Variants in RAB3C observed in about 807,000 individuals in gnomAD.
The protein encoded by RAB3C is ras-related protein Rab-3C.
A neutral mutation model predicts 26.4 loss-of-function variants in RAB3C; 17 were observed. The ratio of observed to expected loss-of-function variants is 0.64; its 90% CI spans 0.44 to 0.97. The LOEUF (loss-of-function observed/expected upper bound fraction) is 0.97. Ranked by LOEUF, RAB3C falls within the 50% of genes least tolerant of loss-of-function variation. The pLI is 0.00. For synonymous variants in RAB3C, 91 were observed against 95.9 expected (o/e 0.95, Z 0.30); for missense variants, 242 against 281.9 (o/e 0.86, Z 1.01).
intron 2 of RAB3C, among the ~76,000 whole-genome samples, chr5:58,703,830 G>A (rs1286827482): frequency 2.0e-5 from 3 of 152,114 alleles, no homozygotes; most frequent in Non-Finnish European, 2.9e-5. Context: ...AAAAATCAAT[G>A]TTCTAAACAG....
At chr5:58,846,137 T>C (rs1280533778) in intron 4 of RAB3C, among the ~76,000 whole-genome samples, 1 of 152,220 alleles carries the variant, frequency 6.6e-6, no homozygotes, top group Non-Finnish European at 1.5e-5. Context: ...TAAAATTGAA[T>C]AATATTCCAT....
chr5:58,755,988 T>G (rs1305091495), intron 3 of RAB3C, among the ~76,000 whole-genome samples: 1 of 152,130 alleles, frequency 6.6e-6, no homozygotes, highest in African/African-American at 2.4e-5. Flanking sequence ...CATATTGACA[T>G]TTGCACACTT....
chr5:58,799,931 C>T (rs1742767025), intron 3 of RAB3C, among the ~76,000 whole-genome samples: 1 of 152,300 alleles, frequency 6.6e-6, no homozygotes, highest in African/African-American at 2.4e-5. Context: ...AAGGGCATTT[C>T]TTCAAATCAG....
chr5:58,764,926 G>A (rs1410115409), intron 3 of RAB3C, among the ~76,000 whole-genome samples: 1 of 152,112 alleles, frequency 6.6e-6, no homozygotes, highest in Non-Finnish European at 1.5e-5. Flanking sequence ...AAACATTAAG[G>A]AGAATACTGG....
intron 2 of RAB3C, among the ~76,000 whole-genome samples, chr5:58,657,336 T>C (rs1441045490): frequency 2.0e-5 from 3 of 151,536 alleles, no homozygotes; most frequent in Non-Finnish European, 4.4e-5. Context: ...AAATCACCAC[T>C]AAAGAACTTA....
intron 2 of RAB3C, among the ~76,000 whole-genome samples, chr5:58,709,482 G>A (rs186806741): frequency 1.3e-4 from 20 of 152,264 alleles, no homozygotes; most frequent in East Asian, 5.8e-4. Context: ...TGATCAGGCC[G>A]CAGTTCTCCC....
intron 2 of RAB3C, among the ~76,000 whole-genome samples, chr5:58,693,660 G>A (rs1039090232): frequency 2.0e-5 from 3 of 152,010 alleles, no homozygotes; most frequent in African/African-American, 7.2e-5. Context: ...AACATAAATC[G>A]CCCCACACAT....
intron 4 of RAB3C, among the ~76,000 whole-genome samples, chr5:58,850,404 T>C (rs1312187204): frequency 6.6e-6 from 1 of 152,214 alleles, no homozygotes; most frequent in Non-Finnish European, 1.5e-5. Flanking sequence ...TACAAAGCCC[T>C]GGAGGGCTGT....
chr5:58,739,553 A>G (rs188158693), intron 3 of RAB3C, among the ~76,000 whole-genome samples: 4 of 152,344 alleles, frequency 2.6e-5, no homozygotes, highest in Admixed American at 1.3e-4. Flanking sequence ...ACTATTAAAA[A>G]AAAATTAGAA....
chr5:58,782,968 T>C (rs1742303576), intron 3 of RAB3C, among the ~76,000 whole-genome samples: 2 of 152,146 alleles, frequency 1.3e-5, no homozygotes, highest in African/African-American at 4.8e-5. Context: ...TATTCTTTCC[T>C]GGTAGGAGAC....
intron 2 of RAB3C, among the ~76,000 whole-genome samples, chr5:58,714,282 C>T (rs969293513): frequency 1.3e-5 from 2 of 152,062 alleles, no homozygotes; most frequent in Non-Finnish European, 2.9e-5. Flanking sequence ...TTACAGCAGA[C>T]TTTTCAATGG....
At chr5:58,598,579 G>A (rs1746377402) in intron 1 of RAB3C, among the ~76,000 whole-genome samples, 1 of 152,076 alleles carries the variant, frequency 6.6e-6, no homozygotes, top group Non-Finnish European at 1.5e-5. Flanking sequence ...TCAGTGTCAG[G>A]CAGTGTTCTA....
chr5:58,607,018 C>T lies in RAB3C; in HGVS notation c.25-10625C>T, dbSNP rs59283042. Among the ~76,000 whole-genome samples, 38 of 152,284 alleles carry T rather than the reference C, an allele frequency of 2.5e-4. No homozygotes were observed. The East Asian group carries it at 3.7e-3, about 15-fold the overall frequency. ...GCGCGCCTCTTCTCCTCCAAAAGAT[C>T]GCAGCTCCTTGCCAGCAACAGAACA... is the stretch of plus-strand genomic sequence containing the variant. On this transcript the variant is annotated intron_variant, in intron 1 of 4. Transcript: ENST00000282878.
At chr5:58,845,434 T>C (rs1300589800) in intron 4 of RAB3C, among the ~76,000 whole-genome samples, 2 of 151,642 alleles carry the variant, frequency 1.3e-5, no homozygotes, top group Admixed American at 6.6e-5. Context: ...AGGATTAGAT[T>C]TAAACACCTG....
chr5:58,836,319 G>C lies in RAB3C; in HGVS notation c.496+11157G>C, dbSNP rs544334301. ...TTCATAGAATACATAGTGAATTTTT[G>C]ATACATATAATGTATTGTGGTCAGA... On this transcript the variant is annotated intron_variant, in intron 4 of 4. Transcript: ENST00000282878. 2.6e-5 allele frequency among the ~76,000 whole-genome samples: 4 copies of C among 151,962 alleles called. No homozygotes were observed. The South Asian group carries it at 8.3e-4, about 32-fold the overall frequency.
At chr5:58,736,945 G>C (rs1741149600) in intron 3 of RAB3C, among the ~76,000 whole-genome samples, 1 of 152,108 alleles carries the variant, frequency 6.6e-6, no homozygotes, top group Admixed American at 6.5e-5. Context: ...GCTGGAGTGA[G>C]CTTTTAAAAC....
At chr5:58,643,524 C>G (rs979695987) in intron 2 of RAB3C, among the ~76,000 whole-genome samples, 1 of 151,998 alleles carries the variant, frequency 6.6e-6, no homozygotes, top group Non-Finnish European at 1.5e-5. Context: ...AAGTTGGAAT[C>G]CATTAGCTGG....
At chr5:58,797,396 T>TATAC (rs1561133620) in intron 3 of RAB3C, among the ~76,000 whole-genome samples, 14 of 116,808 alleles carry the variant, frequency 1.2e-4, no homozygotes, top group African/African-American at 5.0e-4. Context: ...TATATATATA[T>TATAC]ACACAGAGAG....
Position 58,845,612 on chromosome 5 carries a change from A to ATATATATATATATATGTGTGTGTGTGTG in RAB3C, c.497-5551_497-5550insATATATATATATATGTGTGTGTGTGTGT. Among the ~76,000 whole-genome samples the ATATATATATATATATGTGTGTGTGTGTG allele has an allele frequency of 5.0e-3, 405 of 81,112 alleles. 5 individuals are homozygous for ATATATATATATATATGTGTGTGTGTGTG. The highest frequency in any genetic ancestry group is 5.7e-3 in the Non-Finnish European group (233 of 40,910). The allele number at this position is 81,112 out of a possible 152,430, so 53.2% of individuals were successfully genotyped here. Reference sequence around the variant, plus strand: ...ATTCTTACTATATATATATATATATATGTGTGTGTGTGTGTGTGTATATGT... The same window carrying ATATATATATATATATGTGTGTGTGTGTG: ...ATTCTTACTATATATATATATATATATATATATATATATATGTGTGTGTGTGTGTGTGTGTGTGTGTGTGTGTATATGT... On this transcript the variant is annotated intron_variant, in intron 4 of 4. Coordinates refer to ENST00000282878, the MANE Select transcript of RAB3C (RefSeq NM_138453.4).
Sources: gnomAD v4.1 joint callset for allele counts (sites outside exome capture counted in the v4.1 genomes callset) on GRCh38, gnomAD v4.1.1 for gene constraint, MANE v1.5 for transcripts, NCBI Gene and HGNC (gene_info 2026-07-23, HGNC 2026-07-21) for gene names.